Variants in CHMP4C observed in about 807,000 individuals in gnomAD.
CHMP4C encodes charged multivesicular body protein 4C, also known as SNF7 homolog associated with Alix 3.
CHMP4C carries 28 observed loss-of-function variants against 29.0 expected under a neutral mutation model. That is an observed-to-expected ratio of 0.97 (90% confidence interval 0.72 to 1.32). CHMP4C has a LOEUF of 1.32. Ranked by LOEUF, CHMP4C falls within the 40% of genes most tolerant of loss-of-function variation. The probability of loss-of-function intolerance (pLI) is 0.00; values close to 1 mark genes in which losing one functional copy is unlikely to be tolerated. For synonymous variants in CHMP4C, 106 were observed against 102.4 expected (o/e 1.04, Z -0.21); for missense variants, 291 against 281.0 (o/e 1.04, Z -0.25).
At chr8:81,755,835 A>C (rs1585948399) in intron 3 of CHMP4C, among the ~76,000 whole-genome samples, 1 of 152,206 alleles carries the variant, frequency 6.6e-6, no homozygotes, top group African/African-American at 2.4e-5. Flanking sequence ...TGCATGAAAC[A>C]GACGTATCAT....
chr8:81,733,200 A>G (rs1808641784), intron 1 of CHMP4C, among the ~76,000 whole-genome samples: 1 of 152,132 alleles, frequency 6.6e-6, no homozygotes. Flanking sequence ...CTTTATTTAA[A>G]ATTATTTTTT....
chr8:81,747,140 C>A (rs1332953041), intron 1 of CHMP4C, among the ~76,000 whole-genome samples: 1 of 152,152 alleles, frequency 6.6e-6, no homozygotes, highest in Non-Finnish European at 1.5e-5. Context: ...GAGGGAACAT[C>A]ACTTAAAATG....
intron 1 of CHMP4C, among the ~76,000 whole-genome samples, chr8:81,739,418 T>TGGGGC (rs1554592452): frequency 8.6e-5 from 8 of 93,564 alleles, no homozygotes; most frequent in East Asian, 4.4e-4. Context: ...TGGGGGATTG[T>TGGGGC]GGGGGGGGGT....
In CHMP4C at chr8:81,758,503, G is replaced by C. The variant is rs140957304; in HGVS notation, c.661G>C (p.Glu221Gln). Reference sequence around the variant, plus strand: ...AGCATCTTCCCAGAGGGCAGAAGAAGAGGATGATGATATCAAACAATTGGC... The same window carrying C: ...AGCATCTTCCCAGAGGGCAGAAGAACAGGATGATGATATCAAACAATTGGC... The part of the protein sequence containing the change: ...RAASSQRAEE[E>Q]DDDIKQLAAW... Residue 221 changes from glutamate to glutamine, a missense_variant, in exon 5 of 5, where the codon GAG becomes CAG. By Grantham distance (29) the Glu-to-Gln change is conservative. Transcript: ENST00000297265. 1.2e-6 allele frequency: 2 copies of C among 1,613,258 alleles called. No individual in the cohort carries two copies. The highest frequency in any genetic ancestry group is 1.3e-5 in the African/African-American group (1 of 74,930).
At chr8:81,756,985 T>C (rs1238120635) in intron 3 of CHMP4C, among the ~76,000 whole-genome samples, 2 of 152,166 alleles carry the variant, frequency 1.3e-5, no homozygotes, top group African/African-American at 2.4e-5. Flanking sequence ...TCCCTTTTTA[T>C]GAGGCGAATT....
At chr8:81,748,446 G>A (rs1808858360) in intron 1 of CHMP4C, among the ~76,000 whole-genome samples, 1 of 152,190 alleles carries the variant, frequency 6.6e-6, no homozygotes, top group Non-Finnish European at 1.5e-5. Flanking sequence ...TACGTTTAGA[G>A]ATTGCAGTAA....
chr8:81,732,584 C>T lies in CHMP4C; in HGVS notation c.-43C>T. 5 of 1,483,860 alleles carry T rather than the reference C, an allele frequency of 3.4e-6. No individual in the cohort carries two copies. Among genetic ancestry groups the T allele is most frequent in the Non-Finnish European group, 4.5e-6 (5 of 1,107,902 alleles). The allele number at this position is 1,483,860 out of a possible 1,614,324, so 91.9% of individuals were successfully genotyped here. A position where few individuals can be genotyped will look rare whatever the true frequency, so the allele number is the denominator to read the frequency against. ...CCCTCGGCGCGGCCCCGGGGAGCTC[C>T]CGAGAGGCCCCCGGGATCGCTGGCC... On this transcript the variant is annotated 5_prime_UTR_variant, in exon 1 of 5. Coordinates refer to ENST00000297265, the MANE Select transcript of CHMP4C (RefSeq NM_152284.4).
intron 2 of CHMP4C, 34 bp downstream of exon 2, chr8:81,753,275 T>C (rs377400476): frequency 2.5e-4 from 388 of 1,535,596 alleles, no homozygotes; most frequent in Non-Finnish European, 3.2e-4. Context: ...GAATCATAAA[T>C]TCCCTCAGTG....
chr8:81,738,508 C>T (rs1808721616), intron 1 of CHMP4C, among the ~76,000 whole-genome samples: 1 of 152,092 alleles, frequency 6.6e-6, no homozygotes, highest in African/African-American at 2.4e-5. Flanking sequence ...GTGCACAATC[C>T]CACTCTTAGT....
Position 81,732,638 on chromosome 8 carries a change from G to A in CHMP4C, c.12G>A (p.Leu4=). MSK[L]GKFFKGGGSS... ...CGAACTCCACAGCAATGAGCAAGTT[G>A]GGCAAGTTCTTTAAAGGGGGCGGCT... The change falls in exon 1 of 5, where the codon TTG becomes TTA. Residue 4 remains leucine, a synonymous_variant. Coordinates refer to ENST00000297265, the MANE Select transcript of CHMP4C (RefSeq NM_152284.4). 3 of 1,552,096 alleles carry A rather than the reference G, an allele frequency of 1.9e-6. No individual in the cohort carries two copies. The highest frequency in any genetic ancestry group is 2.6e-6 in the Non-Finnish European group (3 of 1,148,556).
At chr8:81,755,339 C>G (rs1466888296) in intron 2 of CHMP4C, 31 bp from the exon 3 acceptor site, 1 of 1,265,414 alleles carries the variant, frequency 7.9e-7, no homozygotes, top group Non-Finnish European at 1.1e-6. Flanking sequence ...AGTTAAAATT[C>G]TAAAATGTTC....
chr8:81,737,822 A>G (rs898451853), intron 1 of CHMP4C, among the ~76,000 whole-genome samples: 2 of 152,252 alleles, frequency 1.3e-5, no homozygotes, highest in Non-Finnish European at 2.9e-5. Context: ...AGCTCTTGGT[A>G]TAAACTAATT....
At chr8:81,734,170 G>C (rs190220806) in intron 1 of CHMP4C, among the ~76,000 whole-genome samples, 1,563 of 152,262 alleles carry the variant, frequency 0.01, 5 homozygotes, top group Non-Finnish European at 0.017. Flanking sequence ...ATTATGGCTT[G>C]CTAAAAATGT....
intron 2 of CHMP4C, among the ~76,000 whole-genome samples, chr8:81,754,567 A>G (rs548808227): frequency 6.6e-6 from 1 of 152,268 alleles, no homozygotes; most frequent in South Asian, 2.1e-4. Context: ...CTTAATAATG[A>G]GGGACATTGT....
chr8:81,741,146 G>A (rs1315507416), intron 1 of CHMP4C, among the ~76,000 whole-genome samples: 3 of 151,984 alleles, frequency 2.0e-5, no homozygotes, highest in Non-Finnish European at 4.4e-5. Flanking sequence ...TGTTTCTTAT[G>A]TTATATAATA....
At chr8:81,750,601 G>A (rs1375328309) in intron 1 of CHMP4C, among the ~76,000 whole-genome samples, 2 of 151,852 alleles carry the variant, frequency 1.3e-5, no homozygotes, top group Non-Finnish European at 2.9e-5. Flanking sequence ...GATACCCTGT[G>A]TCAAAACAAA....
intron 2 of CHMP4C, 32 bp downstream of exon 2, chr8:81,753,273 A>G: frequency 6.5e-7 from 1 of 1,543,684 alleles, no homozygotes. Context: ...CTGAATCATA[A>G]ATTCCCTCAG....
intron 1 of CHMP4C, among the ~76,000 whole-genome samples, chr8:81,734,498 T>G (rs59266850): frequency 0.062 from 9,386 of 152,206 alleles, 422 homozygotes; most frequent in African/African-American, 0.13. Context: ...ACCCAGCTAA[T>G]TTTATATTTT....
intron 1 of CHMP4C, among the ~76,000 whole-genome samples, chr8:81,746,807 GACTAACA>G (rs1175966819): frequency 2.4e-4 from 37 of 152,156 alleles, no homozygotes; most frequent in African/African-American, 8.2e-4. Flanking sequence ...TATTACTAAT[GACTAACA>G]ATTGTAAGGT....
Sources: allele counts gnomAD v4.1 joint callset (sites outside exome capture counted in the v4.1 genomes callset), GRCh38; gene constraint gnomAD v4.1.1; transcripts MANE v1.5; gene names NCBI Gene and HGNC (gene_info 2026-07-23, HGNC 2026-07-21).